Variants in CNTNAP2 observed in about 807,000 individuals in gnomAD.
The protein encoded by CNTNAP2 is contactin-associated protein-like 2.
CNTNAP2 carries 98 observed loss-of-function variants against 155.2 expected under a neutral mutation model. That is an observed-to-expected ratio of 0.63 (90% CI 0.54 to 0.75). The LOEUF (loss-of-function observed/expected upper bound fraction) is 0.75, where lower values mean the gene tolerates loss of function less well. Ranked by LOEUF, CNTNAP2 falls within the 30% of genes least tolerant of loss-of-function variation. The probability of loss-of-function intolerance (pLI) is 0.00; values close to 1 mark genes in which losing one functional copy is unlikely to be tolerated. For synonymous variants in CNTNAP2, 651 were observed against 631.2 expected, an observed-to-expected ratio of 1.03 and a Z score of -0.47; for missense variants, 1,727 against 1,688.1, an observed-to-expected ratio of 1.02 and a Z score of -0.40.
intron 1 of CNTNAP2, among the ~76,000 whole-genome samples, chr7:146,402,842 G>A (rs1795733105): frequency 6.6e-6 from 1 of 152,066 alleles, no homozygotes; most frequent in African/African-American, 2.4e-5. Flanking sequence ...TCTTCCGGTT[G>A]AATTTTTGAC....
At position 147,252,539 on chromosome 7, in the gene CNTNAP2, GATA is replaced by G. The variant is rs1804222368; in HGVS notation, c.1349-47596_1349-47594del. 3.9e-5 allele frequency among the ~76,000 whole-genome samples: 6 copies of G among 152,116 alleles called. No individual in the cohort carries two copies. In the South Asian group the frequency reaches 1.2e-3, roughly 32 times the overall value. On this transcript the variant is annotated intron_variant, in intron 8 of 23. Transcript: ENST00000361727. Reference sequence around the variant, plus strand: ...TCAATTGCTTCCTCTATAAAGCAGGGATAATAATTTCATACCATAATGAAATAA... The same window carrying G: ...TCAATTGCTTCCTCTATAAAGCAGGGATAATTTCATACCATAATGAAATAA...
chr7:147,720,186 A>C (rs1430821142), intron 13 of CNTNAP2, among the ~76,000 whole-genome samples: 2 of 152,160 alleles, frequency 1.3e-5, no homozygotes, highest in African/African-American at 4.8e-5. Context: ...AATGACTCTT[A>C]ATTTCATTCT....
chr7:147,693,735 T>C (rs80065035), intron 13 of CNTNAP2, among the ~76,000 whole-genome samples: 2 of 152,086 alleles, frequency 1.3e-5, no homozygotes, highest in African/African-American at 2.4e-5. Flanking sequence ...TTTTTTGTTG[T>C]TGTTGTTGAT....
intron 11 of CNTNAP2, among the ~76,000 whole-genome samples, chr7:147,499,355 C>T (rs975526309): frequency 2.0e-5 from 3 of 151,830 alleles, no homozygotes; most frequent in Non-Finnish European, 4.4e-5. Flanking sequence ...ATGGTGAAAC[C>T]CCGTCTCTAC....
At chr7:146,932,395 G>A (rs1796784032) in intron 3 of CNTNAP2, among the ~76,000 whole-genome samples, 1 of 151,648 alleles carries the variant, frequency 6.6e-6, no homozygotes, top group South Asian at 2.1e-4. Context: ...AACCCTTCAT[G>A]CTAAAAACTC....
At chr7:146,577,801 T>C (rs995912275) in intron 1 of CNTNAP2, among the ~76,000 whole-genome samples, 2 of 152,162 alleles carry the variant, frequency 1.3e-5, no homozygotes, top group African/African-American at 4.8e-5. Flanking sequence ...ATGTTCATTT[T>C]TGATGGCTTT....
At chr7:146,374,549 C>T (rs1487579820) in intron 1 of CNTNAP2, among the ~76,000 whole-genome samples, 1 of 152,086 alleles carries the variant, frequency 6.6e-6, no homozygotes, top group Admixed American at 6.6e-5. Flanking sequence ...TAGTAGGAGG[C>T]CTTTGATGTA....
intron 1 of CNTNAP2, among the ~76,000 whole-genome samples, chr7:146,246,677 G>T (rs951726216): frequency 2.0e-5 from 3 of 150,766 alleles, no homozygotes; most frequent in African/African-American, 7.5e-5. Flanking sequence ...ATCTGGGAAG[G>T]AGTCAGAGAG....
intron 3 of CNTNAP2, among the ~76,000 whole-genome samples, chr7:147,040,065 G>T (rs530943846): frequency 6.6e-6 from 1 of 152,154 alleles, no homozygotes; most frequent in African/African-American, 2.4e-5. Flanking sequence ...ACCTGACAAA[G>T]GTCTAATATC....
At chr7:148,154,194 C>G (rs1395323167) in intron 17 of CNTNAP2, among the ~76,000 whole-genome samples, 4 of 152,238 alleles carry the variant, frequency 2.6e-5, no homozygotes, top group African/African-American at 7.2e-5. Flanking sequence ...GAAAGCCTGA[C>G]TGAGACTCAG....
At chr7:147,851,963 T>C (rs926013633) in intron 13 of CNTNAP2, among the ~76,000 whole-genome samples, 2 of 152,142 alleles carry the variant, frequency 1.3e-5, no homozygotes, top group African/African-American at 4.8e-5. Flanking sequence ...AAAAAATCAC[T>C]GTATTCCTTG....
chr7:147,249,836 C>T (rs1336999293), intron 8 of CNTNAP2, among the ~76,000 whole-genome samples: 2 of 152,084 alleles, frequency 1.3e-5, no homozygotes, highest in Admixed American at 1.3e-4. Context: ...CTGGAGGCTC[C>T]GTTTCTGAAA....
chr7:146,330,475 A>T (rs996372385), intron 1 of CNTNAP2, among the ~76,000 whole-genome samples: 2 of 152,180 alleles, frequency 1.3e-5, no homozygotes, highest in Admixed American at 6.5e-5. Flanking sequence ...GTATGTATAA[A>T]AATTACTAAA....
chr7:148,002,725 AC>A (rs954676963), intron 15 of CNTNAP2, among the ~76,000 whole-genome samples: 2 of 152,096 alleles, frequency 1.3e-5, no homozygotes, highest in Non-Finnish European at 2.9e-5. Flanking sequence ...TCTTTGTACG[AC>A]CTAAGCTCAT....
intron 9 of CNTNAP2, among the ~76,000 whole-genome samples, chr7:147,347,456 GCATATATATATA>G: frequency 2.2e-5 from 1 of 46,296 alleles, no homozygotes; most frequent in Admixed American, 2.1e-4. Context: ...ATATATATAT[GCATATATATATA>G]TATATATGCA....
At chr7:148,101,746 G>C (rs1355324062) in intron 15 of CNTNAP2, among the ~76,000 whole-genome samples, 1 of 152,158 alleles carries the variant, frequency 6.6e-6, no homozygotes, top group African/African-American at 2.4e-5. Context: ...CAGACTGTTG[G>C]AGAGAATTGC....
At chr7:146,327,870 A>G (rs190989023) in intron 1 of CNTNAP2, among the ~76,000 whole-genome samples, 1 of 152,352 alleles carries the variant, frequency 6.6e-6, no homozygotes, top group African/African-American at 2.4e-5. Flanking sequence ...CATAAGGAGA[A>G]CAAGAGAATT....
At chr7:146,742,193 TTTTA>T (rs1405621262) in intron 1 of CNTNAP2, among the ~76,000 whole-genome samples, 12 of 152,334 alleles carry the variant, frequency 7.9e-5, no homozygotes, top group South Asian at 6.2e-4. Context: ...CTTTTGTTTA[TTTTA>T]TTTATTTCTT....
chr7:147,257,429 G>A (rs963059791), intron 8 of CNTNAP2, among the ~76,000 whole-genome samples: 53 of 152,332 alleles, frequency 3.5e-4, no homozygotes, highest in African/African-American at 1.3e-3. Context: ...GGGGCTCCAG[G>A]TAACAGCTCA....
Sources: gnomAD v4.1 joint callset for allele counts (sites outside exome capture counted in the v4.1 genomes callset) on GRCh38, gnomAD v4.1.1 for gene constraint, MANE v1.5 for transcripts, NCBI Gene and HGNC (gene_info 2026-07-23, HGNC 2026-07-21) for gene names.